TCF12: variants seen among roughly 807,000 people sequenced by gnomAD.
TCF12 encodes DNA-binding protein HTF4.
Under a neutral mutation model 86.0 loss-of-function variants are expected in TCF12, and 45 were observed. That is an observed-to-expected ratio of 0.52 (90% CI 0.41 to 0.67). The LOEUF is 0.67. Among genes scored for constraint, TCF12 ranks in the 30% least tolerant of loss-of-function variants. The pLI is 0.00. For synonymous variants in TCF12, 330 were observed against 299.6 expected (o/e 1.10, Z -1.05); for missense variants, 881 against 859.9 (o/e 1.02, Z -0.31).
intron 18 of TCF12, among the ~76,000 whole-genome samples, chr15:57,266,068 A>G (rs374209329): frequency 4.7e-5 from 7 of 150,100 alleles, no homozygotes; most frequent in East Asian, 2.0e-4. Flanking sequence ...CTCACTGCCT[A>G]TTTTTGTTTT....
chr15:57,168,813 A>C (rs10152156), intron 6 of TCF12, among the ~76,000 whole-genome samples: 1 of 152,066 alleles, frequency 6.6e-6, no homozygotes, highest in Admixed American at 6.6e-5. Context: ...GAGGAGGCCA[A>C]GGCGGGCGGA....
intron 3 of TCF12, among the ~76,000 whole-genome samples, chr15:57,043,953 T>TA (rs2067061896): frequency 6.6e-6 from 1 of 152,140 alleles, no homozygotes; most frequent in South Asian, 2.1e-4. Flanking sequence ...CTTTTTTTTT[T>TA]ATCTTGCTTT....
chr15:57,213,127 T>C (rs1474503981), intron 8 of TCF12, among the ~76,000 whole-genome samples: 1 of 152,224 alleles, frequency 6.6e-6, no homozygotes, highest in Non-Finnish European at 1.5e-5. Flanking sequence ...GGTCAAGCAC[T>C]GCTTGTTTTG....
intron 4 of TCF12, among the ~76,000 whole-genome samples, chr15:57,080,983 T>C (rs2070591891): frequency 6.6e-6 from 1 of 152,172 alleles, no homozygotes; most frequent in Non-Finnish European, 1.5e-5. Context: ...TAGATAAAAA[T>C]GTCTGCAGTA....
At chr15:57,281,357 A>T (rs1216630545) in intron 19 of TCF12, among the ~76,000 whole-genome samples, 1 of 152,200 alleles carries the variant, frequency 6.6e-6, no homozygotes, top group Non-Finnish European at 1.5e-5. Context: ...CAACTCATTC[A>T]TCTTGTTTCA....
intron 8 of TCF12, among the ~76,000 whole-genome samples, chr15:57,229,274 T>G (rs1298923326): frequency 1.3e-5 from 2 of 152,020 alleles, no homozygotes; most frequent in African/African-American, 4.8e-5. Context: ...CATTGGTATA[T>G]AGTCAGTTAT....
chr15:57,215,686 A>C (rs1716412321), intron 8 of TCF12, among the ~76,000 whole-genome samples: 1 of 152,152 alleles, frequency 6.6e-6, no homozygotes, highest in Non-Finnish European at 1.5e-5. Flanking sequence ...ATGTTAACTA[A>C]TTCAAGATAC....
chr15:56,927,409 T>G (rs1028642049), intron 3 of TCF12, among the ~76,000 whole-genome samples: 1 of 152,232 alleles, frequency 6.6e-6, no homozygotes, highest in Non-Finnish European at 1.5e-5. Flanking sequence ...TCTTTTTTTC[T>G]TATAGTTCCG....
At chr15:57,243,429 T>G in intron 12 of TCF12, 43 bp from the exon 13 acceptor site, 1 of 1,492,228 alleles carries the variant, frequency 6.7e-7, no homozygotes. Flanking sequence ...GTATGTGCTG[T>G]TGTCACATGT....
chr15:57,247,786 C>G, intron 13 of TCF12: 1 of 748,200 alleles, frequency 1.3e-6, no homozygotes, highest in Non-Finnish European at 2.4e-6. Flanking sequence ...CTGCCTCCAC[C>G]TCTTCAACAC....
At chr15:56,986,928 C>T (rs1422562995) in intron 3 of TCF12, among the ~76,000 whole-genome samples, 16 of 152,108 alleles carry the variant, frequency 1.1e-4, no homozygotes, top group African/African-American at 3.9e-4. Flanking sequence ...ATAGTGTTTT[C>T]TGTTAAGGAA....
intron 5 of TCF12, among the ~76,000 whole-genome samples, chr15:57,121,733 A>G (rs1044628541): frequency 2.6e-5 from 4 of 152,188 alleles, no homozygotes; most frequent in African/African-American, 4.8e-5. Context: ...CTCTAGAACC[A>G]TGAGAAATAA....
chr15:56,961,358 A>G (rs1329572258), intron 3 of TCF12, among the ~76,000 whole-genome samples: 1 of 152,198 alleles, frequency 6.6e-6, no homozygotes, highest in Non-Finnish European at 1.5e-5. Flanking sequence ...AAAACTCTTA[A>G]TGAGCAAATG....
At chr15:57,264,482 T>A (rs11636340) in intron 18 of TCF12, among the ~76,000 whole-genome samples, 59,041 of 151,344 alleles carry the variant, frequency 0.39, 14,304 homozygotes, top group Non-Finnish European at 0.54. Context: ...ATTACAGGCA[T>A]GAGCCACCGC....
intron 3 of TCF12, among the ~76,000 whole-genome samples, chr15:56,964,855 A>C (rs1448982384): frequency 1.3e-5 from 2 of 152,226 alleles, no homozygotes; most frequent in African/African-American, 4.8e-5. Context: ...TTCAAATAAT[A>C]GATCATTTAT....
chr15:57,132,763 A>G (rs1468891722), intron 5 of TCF12, among the ~76,000 whole-genome samples: 1 of 152,208 alleles, frequency 6.6e-6, no homozygotes, highest in Non-Finnish European at 1.5e-5. Context: ...CATAATACTA[A>G]GTTATCCAAG....
At chr15:57,059,496 G>A (rs537823645) in intron 3 of TCF12, among the ~76,000 whole-genome samples, 1 of 151,974 alleles carries the variant, frequency 6.6e-6, no homozygotes, top group Non-Finnish European at 1.5e-5. Context: ...CCCATTTCCT[G>A]TCTTATTTCT....
intron 3 of TCF12, among the ~76,000 whole-genome samples, chr15:56,981,478 T>C (rs1281604098): frequency 6.6e-6 from 1 of 152,198 alleles, no homozygotes; most frequent in Non-Finnish European, 1.5e-5. Flanking sequence ...GGTGGAACTC[T>C]TAAGACATAA....
chr15:57,167,935 C>T lies in TCF12; in HGVS notation c.390+1469C>T, dbSNP rs913282243. Among the ~76,000 whole-genome samples the T allele has an allele frequency of 2.3e-4, 35 of 152,258 alleles. 1 individual carries two copies. Among genetic ancestry groups the T allele is most frequent in the Admixed American group, 1.4e-3 (21 of 15,294 alleles). On this transcript the variant is annotated intron_variant, in intron 6 of 20. Transcript: ENST00000333725. ...CATAGCCAGTGTTTTGCCTTACCAG[C>T]TCTTACTAGCTGACAAGAGCCGAAT...
Sources: allele counts gnomAD v4.1 joint callset (sites outside exome capture counted in the v4.1 genomes callset), GRCh38; gene constraint gnomAD v4.1.1; transcripts MANE v1.5; gene names NCBI Gene and HGNC (gene_info 2026-07-23, HGNC 2026-07-21).